Variants in MRPL37 observed in about 807,000 individuals in gnomAD.
MRPL37 encodes large ribosomal subunit protein mL37.
MRPL37 carries 34 observed loss-of-function variants against 44.1 expected under a neutral mutation model. The observed-to-expected ratio is 0.77, with a 90% CI of 0.59 to 1.03. MRPL37 has a LOEUF of 1.03. Among genes scored for constraint, MRPL37 ranks in the 50% least tolerant of loss-of-function variants. The pLI, the probability that MRPL37 is intolerant of heterozygous loss-of-function variation, is 0.00. For missense variants in MRPL37, 532 were observed against 543.7 expected, an observed-to-expected ratio of 0.98 and a Z score of 0.21; for synonymous variants, 212 against 219.5, an observed-to-expected ratio of 0.97 and a Z score of 0.30.
intron 3 of MRPL37, chr1:54,207,294 C>G (rs528523111): frequency 2.6e-5 from 4 of 152,330 alleles, no homozygotes; most frequent in African/African-American, 9.6e-5. Flanking sequence ...TCTAACAGTT[C>G]ATGGTACACA....
Position 54,200,351 on chromosome 1 carries a change from C to G in MRPL37, c.108C>G (p.Arg36=). The change falls in exon 1 of 7, where the codon CGC becomes CGG. Residue 36 remains arginine, a synonymous_variant. Coordinates refer to ENST00000360840, the MANE Select transcript of MRPL37 (RefSeq NM_016491.4). The part of the protein sequence containing the change: ...PRRGAYEWGV[R]STRKSEPPPL... ...GCGGGGCGTATGAGTGGGGCGTGCG[C>G]TCCACGCGGAAGTCGGAGCCTCCTC... 6.2e-7 allele frequency: 1 copy of G among 1,614,164 alleles called. No individual in the cohort carries two copies. Among genetic ancestry groups the G allele is most frequent in the African/African-American group, 1.3e-5 (1 of 75,078 alleles).
At chr1:54,217,396 AG>A (rs1557735203) in intron 6 of MRPL37, among the ~76,000 whole-genome samples, 1 of 152,056 alleles carries the variant, frequency 6.6e-6, no homozygotes, top group East Asian at 1.9e-4. Context: ...CTGTGTCTTC[AG>A]GTTCTCTTCC....
rs368027797 is a variant in MRPL37, at chr1:54,200,214, A to G, written c.-30A>G. 1.5e-5 allele frequency: 22 copies of G among 1,516,128 alleles called. No individual in the cohort carries two copies. The African/African-American group carries it at 1.9e-4, about 13-fold the overall frequency. 93.9% of individuals were successfully genotyped at this position (1,516,128 alleles called of 1,614,324 possible). ...TGCGCGCGGCAACATGGCGGGGTCC[A>G]GGTGGAGGTCTTGAGGCTATCAGAT... On this transcript the variant is annotated 5_prime_UTR_variant, in exon 1 of 7. Transcript: ENST00000360840.
downstream of MRPL37, among the ~76,000 whole-genome samples, chr1:54,222,780 CTT>C (rs1459214891): frequency 2.0e-5 from 3 of 152,188 alleles, no homozygotes; most frequent in African/African-American, 4.8e-5. Flanking sequence ...TACTTGATGT[CTT>C]TACTGGATAT....
At chr1:54,223,750 A>G (rs1049192995), downstream of MRPL37, among the ~76,000 whole-genome samples, 3 of 152,188 alleles carry the variant, frequency 2.0e-5, no homozygotes, top group Non-Finnish European at 4.4e-5. Flanking sequence ...CCTCTCAGTG[A>G]TGGGCCGAAG....
chr1:54,205,552 C>G, intron 3 of MRPL37, 142 bp downstream of exon 3: 1 of 674,882 alleles, frequency 1.5e-6, no homozygotes, highest in South Asian at 2.0e-5. Context: ...TAGGCTCAGA[C>G]ACACCCTCAG....
chr1:54,219,817 C>T (rs1018880938), downstream of MRPL37, among the ~76,000 whole-genome samples: 31 of 152,204 alleles, frequency 2.0e-4, no homozygotes, highest in Admixed American at 1.2e-3. Context: ...ATCCTATTTA[C>T]AGCCTGTTCT....
downstream of MRPL37, chr1:54,220,939 G>C (rs1360000050): frequency 2.6e-6 from 1 of 387,494 alleles, no homozygotes; most frequent in East Asian, 7.5e-5. Flanking sequence ...AAGTTCTTCA[G>C]TTCATTTCCA....
At chr1:54,209,225 T>C (rs550554193) in intron 3 of MRPL37, among the ~76,000 whole-genome samples, 32 of 152,300 alleles carry the variant, frequency 2.1e-4, no homozygotes, top group African/African-American at 7.7e-4. Flanking sequence ...AAGATCTGGA[T>C]GGGGCAGGCT....
chr1:54,220,060 CG>C (rs1336361227), downstream of MRPL37, among the ~76,000 whole-genome samples: 10 of 151,594 alleles, frequency 6.6e-5, no homozygotes, highest in African/African-American at 9.7e-5. Context: ...CTGAGTCAAA[CG>C]TTTTTTTTTT....
chr1:54,215,183 A>C (rs571117958), intron 5 of MRPL37, among the ~76,000 whole-genome samples: 3 of 152,328 alleles, frequency 2.0e-5, no homozygotes, highest in Admixed American at 6.5e-5. Context: ...TGCCGCTATT[A>C]GATACACTGG....
rs11206300 is a variant in MRPL37, at chr1:54,201,308, G to A, written c.346+719G>A. ...AAAGGCAAATCTGGCAAGATTGGGG[G>A]ACTAAGCCAGAGAATAAATCCTAGG... On this transcript the variant is annotated intron_variant, in intron 1 of 6. Coordinates refer to ENST00000360840, the MANE Select transcript of MRPL37 (RefSeq NM_016491.4). 4.2e-3 allele frequency among the ~76,000 whole-genome samples: 644 copies of A among 152,272 alleles called. 1 individual carries two copies. The highest frequency in any genetic ancestry group is 0.015 in the African/African-American group (615 of 41,558).
In MRPL37 at chr1:54,218,377, C is replaced by A; in HGVS notation, c.*128C>A. On this transcript the variant is annotated 3_prime_UTR_variant, in exon 7 of 7. Coordinates refer to ENST00000360840, the MANE Select transcript of MRPL37 (RefSeq NM_016491.4). ...CTGACAATAAAGAGCCCTTGCGTTGCACTGAAGCCTGTGTTTGGTATGAGG... is the reference window on the plus strand; with the variant it reads ...CTGACAATAAAGAGCCCTTGCGTTGAACTGAAGCCTGTGTTTGGTATGAGG... The A allele has an allele frequency of 6.5e-7, 1 of 1,544,734 alleles. No homozygotes were observed.
At chr1:54,223,322 C>T (rs376275874), downstream of MRPL37, among the ~76,000 whole-genome samples, 2 of 152,360 alleles carry the variant, frequency 1.3e-5, no homozygotes, top group South Asian at 2.1e-4. Context: ...CAGCTCCCCT[C>T]AGTTCAGGGT....
At chr1:54,217,186 A>AT (rs1453911096) in intron 6 of MRPL37, among the ~76,000 whole-genome samples, 2 of 152,130 alleles carry the variant, frequency 1.3e-5, no homozygotes, top group Admixed American at 1.3e-4. Flanking sequence ...GGCTTGCTAA[A>AT]TGGAGTCGCT....
chr1:54,205,606 C>A (rs992415058), intron 3 of MRPL37, among the ~76,000 whole-genome samples, 196 bp downstream of exon 3: 1 of 152,174 alleles, frequency 6.6e-6, no homozygotes, highest in African/African-American at 2.4e-5. Context: ...TAATCACTTT[C>A]TAAGACGTTA....
intron 1 of MRPL37, among the ~76,000 whole-genome samples, chr1:54,203,752 A>G (rs1380397003): frequency 6.6e-6 from 1 of 152,128 alleles, no homozygotes; most frequent in Non-Finnish European, 1.5e-5. Context: ...CTGGGATTAC[A>G]GGCATGAGCC....
chr1:54,218,506 G>C (rs926272277), downstream of MRPL37: 35 of 801,568 alleles, frequency 4.4e-5, no homozygotes, highest in South Asian at 2.5e-5. Context: ...CTTAGATAAG[G>C]ATCTTCATCT....
downstream of MRPL37, among the ~76,000 whole-genome samples, chr1:54,224,847 C>T (rs925024566): frequency 6.6e-6 from 1 of 152,174 alleles, no homozygotes; most frequent in Non-Finnish European, 1.5e-5. Context: ...GATTCATCTC[C>T]CAGGAGACCA....
Sources: allele counts gnomAD v4.1 joint callset (sites outside exome capture counted in the v4.1 genomes callset), GRCh38; gene constraint gnomAD v4.1.1; transcripts MANE v1.5; gene names NCBI Gene and HGNC (gene_info 2026-07-23, HGNC 2026-07-21).